The following TTC6 variants were observed in gnomAD, a reference collection of about 807,000 sequenced individuals.
TTC6 encodes tetratricopeptide repeat domain 6.
TTC6 carries 172 observed loss-of-function variants against 210.4 expected under a neutral mutation model. The ratio of observed to expected loss-of-function variants is 0.82; its 90% CI spans 0.72 to 0.93. The LOEUF is 0.93. TTC6 is among the 40% of genes least tolerant of loss of function. The probability of loss-of-function intolerance (pLI) is 0.00; values close to 1 mark genes in which losing one functional copy is unlikely to be tolerated. For synonymous variants in TTC6, 804 were observed against 819.6 expected, an observed-to-expected ratio of 0.98 and a Z score of 0.32; for missense variants, 2,414 against 2,318.1, an observed-to-expected ratio of 1.04 and a Z score of -0.85.
chr14:37,781,932 G>A (rs2096055992), intron 14 of TTC6, among the ~76,000 whole-genome samples: 1 of 152,126 alleles, frequency 6.6e-6, no homozygotes, highest in Non-Finnish European at 1.5e-5. Flanking sequence ...AGATCAGATG[G>A]TTGTAGGAGT....
intron 20 of TTC6, among the ~76,000 whole-genome samples, chr14:37,799,830 G>A (rs1483308211): frequency 1.3e-5 from 2 of 152,112 alleles, no homozygotes; most frequent in African/African-American, 4.8e-5. Flanking sequence ...GTTTTCAGAT[G>A]AGAATGTAGC....
intron 1 of TTC6, among the ~76,000 whole-genome samples, chr14:37,664,779 T>A (rs2095744514): frequency 6.7e-6 from 1 of 150,018 alleles, no homozygotes; most frequent in Non-Finnish European, 1.5e-5. Context: ...ATCCAGAGCT[T>A]ATCAGGAACT....
At chr14:37,701,592 G>A in intron 5 of TTC6, 66 bp downstream of exon 7, 1 of 1,345,068 alleles carries the variant, frequency 7.4e-7, no homozygotes, top group Non-Finnish European at 9.7e-7. Flanking sequence ...CCTGCCTTTT[G>A]AGTTCTAGAT....
chr14:37,758,070 T>C (rs61977121), intron 14 of TTC6, among the ~76,000 whole-genome samples: 39 of 152,318 alleles, frequency 2.6e-4, no homozygotes, highest in Non-Finnish European at 5.0e-4. Flanking sequence ...TCCATTCTTT[T>C]GCATTTGCTG....
chr14:37,676,647 T>C (rs2095770286), intron 1 of TTC6, among the ~76,000 whole-genome samples: 1 of 152,102 alleles, frequency 6.6e-6, no homozygotes, highest in Non-Finnish European at 1.5e-5. Flanking sequence ...AAATCCAAGG[T>C]CATGAAGATG....
intron 1 of TTC6, among the ~76,000 whole-genome samples, chr14:37,661,827 T>C (rs2095737986): frequency 6.6e-6 from 1 of 152,222 alleles, no homozygotes. Flanking sequence ...TTTGCTTGTG[T>C]CCTCTCTGGT....
At position 37,772,193 on chromosome 14, in the gene TTC6, A is replaced by G. The variant is rs554437031; in HGVS notation, c.3267-15275A>G. On this transcript the variant is annotated intron_variant, in intron 14 of 30. Coordinates refer to ENST00000553443, the Ensembl canonical transcript of TTC6. ...TCTCCAGCTGCGTGCTGGGAGAACC[A>G]CTGCTCTCTTCAAAGCTGTCAGATA... Among the ~76,000 whole-genome samples, 783 of 152,292 alleles carry G rather than the reference A, an allele frequency of 5.1e-3. 8 individuals carry two copies. The highest frequency in any genetic ancestry group is 0.018 in the African/African-American group (740 of 41,572).
At chr14:37,738,912 A>T in exon 10 of TTC6, 1 of 1,535,476 alleles carries the variant, frequency 6.5e-7, no homozygotes, top group Non-Finnish European at 8.7e-7. Flanking sequence ...CAGCTCACTA[A>T]GCAAAATAAA....
intron 14 of TTC6, among the ~76,000 whole-genome samples, chr14:37,759,570 C>G (rs568703182): frequency 6.6e-6 from 1 of 152,254 alleles, no homozygotes; most frequent in African/African-American, 2.4e-5. Flanking sequence ...TTGCGGTTCT[C>G]CCGGATAACA....
intron 1 of TTC6, among the ~76,000 whole-genome samples, chr14:37,657,158 G>A (rs2095725492): frequency 7.0e-6 from 1 of 143,506 alleles, no homozygotes; most frequent in Admixed American, 7.2e-5. Context: ...GTTGCAGTGA[G>A]TCGCGATTGC....
intron 3 of TTC6, among the ~76,000 whole-genome samples, chr14:37,693,757 A>G (rs749643154): frequency 6.6e-6 from 1 of 152,168 alleles, no homozygotes; most frequent in Non-Finnish European, 1.5e-5. Flanking sequence ...CACATATACC[A>G]ATGGAACAGA....
At chr14:37,737,347 C>T (rs1427526031) in intron 8 of TTC6, among the ~76,000 whole-genome samples, 1 of 152,040 alleles carries the variant, frequency 6.6e-6, no homozygotes, top group African/African-American at 2.4e-5. Flanking sequence ...CACACCAGTG[C>T]CACCTACACC....
intron 14 of TTC6, among the ~76,000 whole-genome samples, chr14:37,784,491 C>T (rs900933728): frequency 4.6e-5 from 7 of 152,142 alleles, no homozygotes; most frequent in African/African-American, 1.7e-4. Flanking sequence ...TCCTCCATCC[C>T]TTTATTTTGA....
At chr14:37,764,947 A>AT (rs76260992) in intron 14 of TTC6, among the ~76,000 whole-genome samples, 1 of 149,326 alleles carries the variant, frequency 6.7e-6, no homozygotes, top group African/African-American at 2.5e-5. Flanking sequence ...TTTTTAATTG[A>AT]TTTTTTTCTA....
At chr14:37,774,251 T>G (rs1035486486) in intron 14 of TTC6, among the ~76,000 whole-genome samples, 11 of 151,922 alleles carry the variant, frequency 7.2e-5, no homozygotes, top group Admixed American at 7.2e-4. Flanking sequence ...GATTCCTACT[T>G]TTTTTTTCTT....
chr14:37,757,884 T>G (rs572053454), intron 14 of TTC6, among the ~76,000 whole-genome samples: 3 of 152,368 alleles, frequency 2.0e-5, no homozygotes, highest in Admixed American at 6.5e-5. Flanking sequence ...GTTGCGTCTT[T>G]GTTCTTATTG....
intron 29 of TTC6, among the ~76,000 whole-genome samples, chr14:37,830,531 G>A (rs545007724): frequency 6.6e-6 from 1 of 150,762 alleles, no homozygotes; most frequent in Non-Finnish European, 1.5e-5. Flanking sequence ...CATTTTCTTT[G>A]TCTTTCTTTT....
intron 12 of TTC6, among the ~76,000 whole-genome samples, chr14:37,750,767 G>A (rs137982824): frequency 2.2e-4 from 33 of 152,236 alleles, no homozygotes; most frequent in African/African-American, 7.7e-4. Flanking sequence ...GCATGCATCT[G>A]TAGTCCCAGC....
At chr14:37,756,663 A>T (rs185581083) in intron 14 of TTC6, among the ~76,000 whole-genome samples, 2 of 152,172 alleles carry the variant, frequency 1.3e-5, no homozygotes, top group African/African-American at 4.8e-5. Flanking sequence ...TTGTTTGCGT[A>T]TGTTGAACCA....
Sources: allele counts gnomAD v4.1 joint callset (sites outside exome capture counted in the v4.1 genomes callset), GRCh38; gene constraint gnomAD v4.1.1; transcripts MANE v1.5; gene names NCBI Gene and HGNC (gene_info 2026-07-23, HGNC 2026-07-21).